The following MAGI2 variants were observed in gnomAD, a reference collection of about 807,000 sequenced individuals.
The protein encoded by MAGI2 is membrane-associated guanylate kinase, WW and PDZ domain-containing protein 2.
In MAGI2, 35 loss-of-function variants were observed where a neutral mutation model predicts 133.3. That is an observed-to-expected ratio of 0.26 (90% CI 0.20 to 0.35). The LOEUF is 0.35. Ranked by LOEUF, MAGI2 falls within the 10% of genes least tolerant of loss-of-function variation. MAGI2 has a pLI of 1.00. For synonymous variants in MAGI2, 729 were observed against 710.6 expected, an observed-to-expected ratio of 1.03 and a Z score of -0.41; for missense variants, 1,636 against 1,863.4, an observed-to-expected ratio of 0.88 and a Z score of 2.25.
At chr7:78,773,660 G>T (rs554437798) in intron 2 of MAGI2, among the ~76,000 whole-genome samples, 4 of 152,170 alleles carry the variant, frequency 2.6e-5, no homozygotes, top group Admixed American at 2.0e-4. Context: ...GGCGAGGCAG[G>T]ACAGTCACAT....
chr7:78,743,694 G>A (rs1433670292), intron 2 of MAGI2, among the ~76,000 whole-genome samples: 1 of 152,106 alleles, frequency 6.6e-6, no homozygotes, highest in Non-Finnish European at 1.5e-5. Context: ...GGTGTCTACA[G>A]GCATGGTCAT....
chr7:79,453,335 T>C lies in MAGI2; in HGVS notation c.-15A>G. On this transcript the variant is annotated 5_prime_UTR_variant, in exon 1 of 22. Transcript: ENST00000354212. ...CTTTTGGACATGGCAGTGGGGCGAG[T>C]CGCCTCAGTTCCTGGGCTCCTTGGG... The C allele has an allele frequency of 3.8e-6, 6 of 1,589,848 alleles. No homozygotes were observed. The highest frequency in any genetic ancestry group is 5.1e-6 in the Non-Finnish European group (6 of 1,167,300).
chr7:79,031,216 C>T (rs182292529), intron 1 of MAGI2, among the ~76,000 whole-genome samples: 478 of 152,294 alleles, frequency 3.1e-3, no homozygotes, highest in Non-Finnish European at 5.3e-3. Flanking sequence ...TCCCACAACT[C>T]CATTCTCATC....
At chr7:78,777,529 T>A (rs1826079326) in intron 2 of MAGI2, among the ~76,000 whole-genome samples, 1 of 152,142 alleles carries the variant, frequency 6.6e-6, no homozygotes, top group African/African-American at 2.4e-5. Flanking sequence ...ACCACTATCA[T>A]TATCTTCACT....
chr7:78,951,505 C>G (rs1289504403), intron 2 of MAGI2, among the ~76,000 whole-genome samples: 1 of 152,024 alleles, frequency 6.6e-6, no homozygotes, highest in Non-Finnish European at 1.5e-5. Context: ...GCTTATAAAA[C>G]CATCAGATCT....
chr7:79,037,660 G>C (rs1562817354), intron 1 of MAGI2, among the ~76,000 whole-genome samples: 1 of 152,106 alleles, frequency 6.6e-6, no homozygotes, highest in African/African-American at 2.4e-5. Flanking sequence ...AAATATCTAA[G>C]TCAGAGCTCA....
intron 16 of MAGI2, chr7:78,159,747 G>T: frequency 3.8e-6 from 1 of 266,402 alleles, no homozygotes; most frequent in Non-Finnish European, 7.0e-6. Flanking sequence ...ATATCACTCT[G>T]TTTTCCTTTC....
At chr7:79,425,363 G>A (rs1200842152) in intron 1 of MAGI2, among the ~76,000 whole-genome samples, 17 of 151,788 alleles carry the variant, frequency 1.1e-4, no homozygotes, top group Admixed American at 1.3e-4. Context: ...CCATGAGGAC[G>A]GAAGAACCAA....
intron 9 of MAGI2, among the ~76,000 whole-genome samples, chr7:78,338,984 A>AAAACAAACAAACAAACAAAC (rs3061239): frequency 4.0e-5 from 6 of 150,256 alleles, no homozygotes; most frequent in South Asian, 2.2e-4. Context: ...ATCTCTTGAG[A>AAAACAAACAAACAAACAAAC]AAACAAACAA....
intron 1 of MAGI2, among the ~76,000 whole-genome samples, chr7:79,367,493 C>T (rs2527772): frequency 0.32 from 49,146 of 151,796 alleles, 8,504 homozygotes; most frequent in African/African-American, 0.44. Context: ...ACCAGAAAGA[C>T]CTGGCTTCAA....
intron 2 of MAGI2, among the ~76,000 whole-genome samples, chr7:78,869,634 T>A (rs543910207): frequency 4.7e-4 from 71 of 152,290 alleles, no homozygotes; most frequent in African/African-American, 1.6e-3. Context: ...AATTATGTCT[T>A]CACAAGGCAG....
Position 79,355,011 on chromosome 7 carries a change from C to A in MAGI2, c.301+98009G>T, listed in dbSNP as rs147033983. 1.5e-3 allele frequency among the ~76,000 whole-genome samples: 230 copies of A among 152,332 alleles called. 2 individuals carry two copies. The highest frequency in any genetic ancestry group is 5.1e-3 in the African/African-American group (213 of 41,576). ...TCTCTCCTTCTCTACCTGAGGAATA[C>A]CACAGGGCATTGGCCCACATGCCAG... On this transcript the variant is annotated intron_variant, in intron 1 of 21. Coordinates refer to ENST00000354212, the MANE Select transcript of MAGI2 (RefSeq NM_012301.4).
chr7:79,092,734 T>C (rs2129542655), intron 1 of MAGI2, among the ~76,000 whole-genome samples: 1 of 152,316 alleles, frequency 6.6e-6, no homozygotes, highest in Non-Finnish European at 1.5e-5. Context: ...TCTCAGTGCA[T>C]TTCTGATTTT....
intron 9 of MAGI2, among the ~76,000 whole-genome samples, chr7:78,323,370 T>C (rs533610330): frequency 1.1e-4 from 17 of 152,338 alleles, no homozygotes; most frequent in East Asian, 3.9e-4. Context: ...AAAAAAGATA[T>C]GGTATGTTTG....
intron 1 of MAGI2, among the ~76,000 whole-genome samples, chr7:79,105,432 G>A (rs1056600728): frequency 3.9e-5 from 6 of 152,052 alleles, no homozygotes; most frequent in Non-Finnish European, 4.4e-5. Context: ...GCTCAGTAGC[G>A]ATTTACTTGC....
intron 7 of MAGI2, among the ~76,000 whole-genome samples, chr7:78,363,003 TATTAAAATAAAA>T (rs1183645666): frequency 2.0e-5 from 3 of 152,232 alleles, no homozygotes; most frequent in Non-Finnish European, 4.4e-5. Context: ...TGTAAAAGCA[TATTAAAATAAAA>T]GTTAAAATAA....
intron 1 of MAGI2, among the ~76,000 whole-genome samples, chr7:79,071,011 AAGG>A (rs764817208): frequency 9.9e-5 from 15 of 152,100 alleles, no homozygotes; most frequent in Non-Finnish European, 1.5e-4. Flanking sequence ...TGATCCTTCG[AAGG>A]AGAAGAGGCG....
At chr7:78,695,545 A>G (rs1200912861) in intron 2 of MAGI2, among the ~76,000 whole-genome samples, 3 of 152,292 alleles carry the variant, frequency 2.0e-5, no homozygotes, top group Non-Finnish European at 4.4e-5. Flanking sequence ...CAATGTAGTC[A>G]TATTTTGGGG....
intron 3 of MAGI2, among the ~76,000 whole-genome samples, chr7:78,609,629 C>T (rs1806225068): frequency 6.6e-6 from 1 of 152,168 alleles, no homozygotes; most frequent in Admixed American, 6.5e-5. Context: ...TTATTGATGA[C>T]TACCTTCTTC....
Sources: gnomAD v4.1 joint callset for allele counts (sites outside exome capture counted in the v4.1 genomes callset) on GRCh38, gnomAD v4.1.1 for gene constraint, MANE v1.5 for transcripts, NCBI Gene and HGNC (gene_info 2026-07-23, HGNC 2026-07-21) for gene names.